Variants in ELOVL6 observed in about 807,000 individuals in gnomAD.
ELOVL6 encodes the protein ELOVL fatty acid elongase 6.
ELOVL6 carries 8 observed loss-of-function variants against 31.7 expected under a neutral mutation model. That is an observed-to-expected ratio of 0.25 (90% CI 0.15 to 0.45). ELOVL6 has a LOEUF of 0.45. Ranked by LOEUF, ELOVL6 falls within the 20% of genes least tolerant of loss-of-function variation. The probability of loss-of-function intolerance (pLI) is 1.00; values close to 1 mark genes in which losing one functional copy is unlikely to be tolerated. For synonymous variants in ELOVL6, 101 were observed against 117.7 expected (o/e 0.86, Z 0.92); for missense variants, 126 against 326.4 (o/e 0.39, Z 4.73).
intron 2 of ELOVL6, among the ~76,000 whole-genome samples, chr4:110,084,294 T>C (rs1756098632): frequency 8.2e-6 from 1 of 122,630 alleles, no homozygotes; most frequent in African/African-American, 3.2e-5. Flanking sequence ...ATAACTTATA[T>C]ATGATATATA....
rs1754831759 is a variant in ELOVL6 at position 110,051,332 on chromosome 4, C to T, written c.*6G>A. ...CTGAGCTATGGCTTCCTCCTCAGTT[C>T]CAACACTATTCAGCTTTCGTTGTTT... On this transcript the variant is annotated 3_prime_UTR_variant, in exon 4 of 4. Coordinates refer to ENST00000302274, the MANE Select transcript of ELOVL6 (RefSeq NM_024090.3). This position sits in a 1 kb window ranked among gnomAD's most constrained non-coding sequence, Gnocchi z 4.8. 2 of 1,612,946 alleles carry T rather than the reference C, an allele frequency of 1.2e-6. No individual in the cohort carries two copies. The highest frequency in any genetic ancestry group is 1.3e-5 in the African/African-American group (1 of 74,900).
At chr4:110,143,073 T>C (rs1317958364) in intron 1 of ELOVL6, among the ~76,000 whole-genome samples, 3 of 152,146 alleles carry the variant, frequency 2.0e-5, no homozygotes, top group Non-Finnish European at 4.4e-5. Context: ...ACATAATACA[T>C]GTTGACTTAT....
intron 1 of ELOVL6, among the ~76,000 whole-genome samples, chr4:110,120,096 C>T (rs1757300085): frequency 6.6e-6 from 1 of 152,114 alleles, no homozygotes; most frequent in South Asian, 2.1e-4. Flanking sequence ...TGTGTCTTCC[C>T]CTATTCCCAA....
chr4:110,149,053 G>A lies in ELOVL6; in HGVS notation c.90-43425C>T, dbSNP rs78995361. Among the ~76,000 whole-genome samples, 1,275 of 152,230 alleles carry A rather than the reference G, an allele frequency of 8.4e-3. 1 individual carries two copies. The highest frequency in any genetic ancestry group is 0.012 in the Non-Finnish European group (787 of 68,010). On this transcript the variant is annotated intron_variant, in intron 1 of 3. Transcript: ENST00000302274. The stretch of plus-strand genomic sequence containing the variant: ...TTTGTTGTATTTTTAGTAGAGACAA[G>A]GTTTCACCATGTTGCTGAGGCTGGT...
At chr4:110,112,646 G>A (rs1174657123) in intron 1 of ELOVL6, among the ~76,000 whole-genome samples, 2 of 152,178 alleles carry the variant, frequency 1.3e-5, no homozygotes, top group East Asian at 3.9e-4. Flanking sequence ...GCTGAGGGGG[G>A]TGGATCACTT....
chr4:110,097,009 C>T (rs2126242362), intron 2 of ELOVL6, among the ~76,000 whole-genome samples: 1 of 152,158 alleles, frequency 6.6e-6, no homozygotes, highest in East Asian at 1.9e-4. Flanking sequence ...TCAAATACAA[C>T]TCAAAATGCT....
chr4:110,098,899 T>C (rs558701066), intron 2 of ELOVL6, among the ~76,000 whole-genome samples: 2 of 152,292 alleles, frequency 1.3e-5, no homozygotes, highest in African/African-American at 4.8e-5. Flanking sequence ...ACAATCATTG[T>C]CATCATCATT....
At chr4:110,186,818 A>ATAT (rs1281972762) in intron 1 of ELOVL6, among the ~76,000 whole-genome samples, 223 of 101,096 alleles carry the variant, frequency 2.2e-3, no homozygotes, top group Non-Finnish European at 4.0e-3. Context: ...AAAAAAAAAA[A>ATAT]AAAAATATAT....
intron 1 of ELOVL6, among the ~76,000 whole-genome samples, chr4:110,163,046 T>C (rs960919057): frequency 2.6e-5 from 4 of 152,170 alleles, no homozygotes; most frequent in African/African-American, 9.7e-5. Context: ...TAGATAAAAA[T>C]AGTACAGAAT....
intron 1 of ELOVL6, among the ~76,000 whole-genome samples, chr4:110,126,365 G>A (rs1757499009): frequency 1.3e-5 from 2 of 152,064 alleles, no homozygotes; most frequent in Admixed American, 1.3e-4. Flanking sequence ...TGGCCTGAGT[G>A]GAGCAGAGTA....
intron 2 of ELOVL6, among the ~76,000 whole-genome samples, chr4:110,098,439 T>A (rs1480508666): frequency 2.0e-5 from 3 of 152,178 alleles, no homozygotes; most frequent in Non-Finnish European, 4.4e-5. Context: ...AGCCATACTT[T>A]TTATCAAAGC....
intron 1 of ELOVL6, among the ~76,000 whole-genome samples, chr4:110,183,446 AC>A (rs1277046280): frequency 2.6e-5 from 4 of 152,090 alleles, no homozygotes; most frequent in African/African-American, 9.7e-5. Flanking sequence ...CAAGCTATAA[AC>A]CAGCCACCTT....
intron 1 of ELOVL6, among the ~76,000 whole-genome samples, chr4:110,150,012 A>G (rs1048091883): frequency 1.3e-5 from 2 of 152,192 alleles, no homozygotes; most frequent in Non-Finnish European, 2.9e-5. Context: ...TTTGAAAAGT[A>G]GAAATTTGAA....
chr4:110,134,796 C>T (rs903386265), intron 1 of ELOVL6, among the ~76,000 whole-genome samples: 4 of 151,972 alleles, frequency 2.6e-5, no homozygotes, highest in African/African-American at 9.7e-5. Flanking sequence ...CTCATCTCTA[C>T]AAAAAATTTT....
chr4:110,058,644 A>C (rs996924923), intron 3 of ELOVL6, among the ~76,000 whole-genome samples: 1 of 152,168 alleles, frequency 6.6e-6, no homozygotes, highest in Admixed American at 6.5e-5. Context: ...CTCCCTTTTT[A>C]GGAGAAACAG....
intron 1 of ELOVL6, among the ~76,000 whole-genome samples, chr4:110,128,545 G>C (rs901457156): frequency 1.3e-5 from 2 of 152,128 alleles, no homozygotes; most frequent in African/African-American, 2.4e-5. Flanking sequence ...CAGGCGTCAT[G>C]GGCAGTGCGG....
chr4:110,166,075 G>T (rs1453608062), intron 1 of ELOVL6, among the ~76,000 whole-genome samples: 1 of 152,118 alleles, frequency 6.6e-6, no homozygotes, highest in Non-Finnish European at 1.5e-5. Flanking sequence ...AGCTGATCTG[G>T]AGGAAAGATA....
chr4:110,137,978 T>C (rs541390148), intron 1 of ELOVL6, among the ~76,000 whole-genome samples: 3 of 152,216 alleles, frequency 2.0e-5, no homozygotes, highest in East Asian at 1.9e-4. Context: ...TGCTTATAAC[T>C]GGCTAATAAA....
At chr4:110,171,064 C>T (rs1758928163) in intron 1 of ELOVL6, among the ~76,000 whole-genome samples, 1 of 152,122 alleles carries the variant, frequency 6.6e-6, no homozygotes, top group Admixed American at 6.6e-5. Flanking sequence ...ACACACAGGC[C>T]AAGAAGAATC....
Sources: gnomAD v4.1 joint callset for allele counts (sites outside exome capture counted in the v4.1 genomes callset) on GRCh38, gnomAD v4.1.1 for gene constraint, Gnocchi (gnomAD v3.1) non-coding constraint, MANE v1.5 for transcripts, NCBI Gene and HGNC (gene_info 2026-07-23, HGNC 2026-07-21) for gene names.